MARCHF1: variants seen among roughly 807,000 people sequenced by gnomAD.
MARCHF1 encodes the protein membrane associated ring-CH-type finger 1, also known as E3 ubiquitin-protein ligase MARCHF1.
A neutral mutation model predicts 54.2 loss-of-function variants in MARCHF1; 40 were observed. The observed-to-expected ratio is 0.74, with a 90% CI of 0.57 to 0.96. The LOEUF (loss-of-function observed/expected upper bound fraction) is 0.96, where lower values mean the gene tolerates loss of function less well. Ranked by LOEUF, MARCHF1 falls within the 40% of genes least tolerant of loss-of-function variation. MARCHF1 has a pLI of 0.00. For synonymous variants in MARCHF1, 236 were observed against 236.3 expected, an observed-to-expected ratio of 1.00 and a Z score of 0.01; for missense variants, 586 against 656.5, an observed-to-expected ratio of 0.89 and a Z score of 1.17.
chr4:163,866,482 A>ATATATATATATATATATATATATATATG (rs1560794971), intron 3 of MARCHF1, among the ~76,000 whole-genome samples: 1 of 143,254 alleles, frequency 7.0e-6, no homozygotes, highest in Non-Finnish European at 1.5e-5. Context: ...ATATATATAT[A>ATATATATATATATATATATATATATATG]ATAGGACTGT....
At chr4:163,876,396 A>C (rs771869940) in intron 3 of MARCHF1, among the ~76,000 whole-genome samples, 53 of 152,148 alleles carry the variant, frequency 3.5e-4, no homozygotes, top group Non-Finnish European at 5.6e-4. Flanking sequence ...GAGCCACCAG[A>C]TTATAAAGAT....
chr4:164,040,200 C>T (rs1448391921), intron 2 of MARCHF1, among the ~76,000 whole-genome samples: 1 of 142,706 alleles, frequency 7.0e-6, no homozygotes, highest in Admixed American at 7.2e-5. Flanking sequence ...ATTATAAATA[C>T]ATTGTATATA....
At chr4:164,344,407 A>C (rs761793296) in intron 1 of MARCHF1, among the ~76,000 whole-genome samples, 32 of 152,018 alleles carry the variant, frequency 2.1e-4, no homozygotes, top group Admixed American at 7.9e-4. Flanking sequence ...TTTATTGATC[A>C]GTATTTCCTT....
chr4:164,347,646 G>C (rs560549379), intron 1 of MARCHF1, among the ~76,000 whole-genome samples: 3 of 152,198 alleles, frequency 2.0e-5, no homozygotes, highest in African/African-American at 7.2e-5. Flanking sequence ...CCTAATCTTA[G>C]TTCTCAAAAT....
intron 1 of MARCHF1, among the ~76,000 whole-genome samples, chr4:164,275,522 G>A (rs545280177): frequency 7.5e-4 from 115 of 152,336 alleles, no homozygotes; most frequent in African/African-American, 2.5e-3. Context: ...TCTAAACAAC[G>A]TTTGGATAAT....
At position 164,138,072 on chromosome 4, in the gene MARCHF1, C is replaced by T. The variant is rs149804214; in HGVS notation, c.-322-26410G>A. 6.6e-5 allele frequency among the ~76,000 whole-genome samples: 10 copies of T among 152,230 alleles called. No individual in the cohort carries two copies. The East Asian group carries it at 1.7e-3, about 26-fold the overall frequency. On this transcript the variant is annotated intron_variant, in intron 1 of 9. Transcript: ENST00000514618. The stretch of plus-strand genomic sequence containing the variant: ...GGAAAGCTGTTTAGGGTCAAATTAT[C>T]ACAGTGGACCCCAGCAGCCAGTGAG...
intron 4 of MARCHF1, among the ~76,000 whole-genome samples, chr4:163,726,165 T>G (rs1169412524): frequency 2.0e-5 from 3 of 152,186 alleles, no homozygotes; most frequent in South Asian, 2.1e-4. Flanking sequence ...ATTTGTGGTG[T>G]TGTATATTCT....
At chr4:164,261,191 G>C (rs1293124956) in intron 1 of MARCHF1, among the ~76,000 whole-genome samples, 1 of 152,116 alleles carries the variant, frequency 6.6e-6, no homozygotes, top group Non-Finnish European at 1.5e-5. Context: ...CCAGCTTCTT[G>C]ATCTGGACTT....
intron 2 of MARCHF1, among the ~76,000 whole-genome samples, chr4:164,021,074 T>G (rs1295140477): frequency 8.4e-6 from 1 of 119,584 alleles, no homozygotes; most frequent in African/African-American, 2.9e-5. Context: ...AATCCATTTC[T>G]GTCCCTTTTT....
chr4:163,797,806 C>T (rs1212797453), intron 4 of MARCHF1, among the ~76,000 whole-genome samples: 2 of 151,886 alleles, frequency 1.3e-5, no homozygotes, highest in African/African-American at 4.8e-5. Context: ...TATTGTTATT[C>T]AGTATTCTAT....
intron 5 of MARCHF1, among the ~76,000 whole-genome samples, chr4:163,695,646 A>T (rs957043010): frequency 1.3e-5 from 2 of 152,122 alleles, no homozygotes; most frequent in African/African-American, 4.8e-5. Flanking sequence ...AACAGATTAG[A>T]TTTTGTGAGC....
At chr4:163,571,072 AC>A (rs1434807498) in intron 8 of MARCHF1, among the ~76,000 whole-genome samples, 2 of 152,060 alleles carry the variant, frequency 1.3e-5, no homozygotes, top group East Asian at 3.9e-4. Flanking sequence ...ACAGTCAACA[AC>A]CTTTTTATCT....
At chr4:163,663,756 T>G (rs1743431841) in intron 5 of MARCHF1, among the ~76,000 whole-genome samples, 1 of 152,076 alleles carries the variant, frequency 6.6e-6, no homozygotes, top group Admixed American at 6.6e-5. Flanking sequence ...TAGACTAATA[T>G]CTATAAGCTC....
intron 1 of MARCHF1, among the ~76,000 whole-genome samples, chr4:164,364,285 G>C (rs1250468800): frequency 6.6e-6 from 1 of 152,054 alleles, no homozygotes; most frequent in Non-Finnish European, 1.5e-5. Context: ...GTAAAAACGT[G>C]AGTAAAGGAC....
At chr4:163,774,743 A>C (rs1217375542) in intron 4 of MARCHF1, among the ~76,000 whole-genome samples, 2 of 152,068 alleles carry the variant, frequency 1.3e-5, no homozygotes, top group Admixed American at 6.6e-5. Flanking sequence ...TGATTCACCC[A>C]CCTCAGCCTC....
chr4:164,145,257 G>T (rs544526830), intron 1 of MARCHF1, among the ~76,000 whole-genome samples: 6 of 152,290 alleles, frequency 3.9e-5, no homozygotes, highest in African/African-American at 1.4e-4. Context: ...GGAAGAACTG[G>T]TACCATTCCT....
chr4:163,891,095 G>C (rs1750651434), intron 3 of MARCHF1, among the ~76,000 whole-genome samples: 1 of 152,044 alleles, frequency 6.6e-6, no homozygotes, highest in Non-Finnish European at 1.5e-5. Context: ...GACATCATGT[G>C]AGGAGAGGAA....
chr4:164,046,497 A>G (rs542298942), intron 2 of MARCHF1, among the ~76,000 whole-genome samples: 6 of 152,332 alleles, frequency 3.9e-5, no homozygotes, highest in African/African-American at 9.6e-5. Context: ...AATTATTGGT[A>G]TTTCTTAAAT....
At chr4:164,100,771 A>C (rs965491593) in intron 2 of MARCHF1, among the ~76,000 whole-genome samples, 7 of 152,234 alleles carry the variant, frequency 4.6e-5, no homozygotes, top group Non-Finnish European at 1.0e-4. Flanking sequence ...AAGATGGCCG[A>C]ATAGGAACAG....
Sources: gnomAD v4.1 joint callset for allele counts (sites outside exome capture counted in the v4.1 genomes callset) on GRCh38, gnomAD v4.1.1 for gene constraint, MANE v1.5 for transcripts, NCBI Gene and HGNC (gene_info 2026-07-23, HGNC 2026-07-21) for gene names.